CNTN4: variants seen among roughly 807,000 people sequenced by gnomAD.
CNTN4 encodes contactin-4.
CNTN4 carries 77 observed loss-of-function variants against 122.5 expected under a neutral mutation model. That is an observed-to-expected ratio of 0.63 (90% CI 0.52 to 0.76). The LOEUF (loss-of-function observed/expected upper bound fraction) is 0.76, where lower values mean the gene tolerates loss of function less well. CNTN4 is among the 30% of genes least tolerant of loss of function. CNTN4 has a pLI of 0.00. For synonymous variants in CNTN4, 512 were observed against 447.0 expected (o/e 1.15, Z -1.83); for missense variants, 1,256 against 1,259.1 (o/e 1.00, Z 0.04).
chr3:2,792,189 C>CG (rs1157850506), intron 6 of CNTN4, among the ~76,000 whole-genome samples: 2 of 152,142 alleles, frequency 1.3e-5, no homozygotes, highest in African/African-American at 4.8e-5. Flanking sequence ...GACATTCTTT[C>CG]GGGGGGCCCT....
intron 4 of CNTN4, among the ~76,000 whole-genome samples, chr3:2,682,802 GCTATTATT>G (rs2085232711): frequency 6.6e-6 from 1 of 152,076 alleles, no homozygotes; most frequent in Admixed American, 6.6e-5. Context: ...CTGCCTTTTA[GCTATTATT>G]AGTCATCACT....
intron 4 of CNTN4, among the ~76,000 whole-genome samples, chr3:2,652,602 TC>T (rs1360746137): frequency 6.6e-6 from 1 of 152,042 alleles, no homozygotes; most frequent in Non-Finnish European, 1.5e-5. Flanking sequence ...TGCCAATGTT[TC>T]TAGGCACACA....
intron 8 of CNTN4, among the ~76,000 whole-genome samples, chr3:2,867,647 C>T (rs2093738657): frequency 6.6e-6 from 1 of 151,980 alleles, no homozygotes; most frequent in Admixed American, 6.6e-5. Flanking sequence ...CTCTCAGCTT[C>T]TCCCTTGGAT....
intron 7 of CNTN4, among the ~76,000 whole-genome samples, chr3:2,825,672 G>A (rs1165419200): frequency 6.6e-6 from 1 of 152,192 alleles, no homozygotes; most frequent in Non-Finnish European, 1.5e-5. Flanking sequence ...CTGGGCAACA[G>A]AGTGAGATCC....
intron 3 of CNTN4, among the ~76,000 whole-genome samples, chr3:2,427,646 G>T (rs573999427): frequency 6.6e-6 from 1 of 152,008 alleles, no homozygotes; most frequent in Admixed American, 6.6e-5. Context: ...TCTGCCTCAT[G>T]GATCTGTCTA....
intron 2 of CNTN4, among the ~76,000 whole-genome samples, chr3:2,251,310 C>T (rs1153506): frequency 0.99 from 150,248 of 151,970 alleles, 74,305 homozygotes; most frequent in Middle Eastern, 1. Context: ...TATTGTTTAC[C>T]AATAACAGCA....
At chr3:2,716,765 C>CTAG (rs1239557858) in intron 4 of CNTN4, among the ~76,000 whole-genome samples, 1 of 152,172 alleles carries the variant, frequency 6.6e-6, no homozygotes, top group African/African-American at 2.4e-5. Context: ...CCCTTACCAC[C>CTAG]TAGTAGCCCT....
intron 3 of CNTN4, among the ~76,000 whole-genome samples, chr3:2,473,979 A>G (rs1575711936): frequency 6.6e-6 from 1 of 151,370 alleles, no homozygotes; most frequent in Admixed American, 6.6e-5. Context: ...ACGCCACTGC[A>G]CTCCAGCCTG....
intron 4 of CNTN4, among the ~76,000 whole-genome samples, chr3:2,597,583 C>T (rs2080830275): frequency 6.6e-6 from 1 of 152,096 alleles, no homozygotes; most frequent in South Asian, 2.1e-4. Context: ...AGGAAAGGTG[C>T]AGAATTGAGA....
intron 2 of CNTN4, among the ~76,000 whole-genome samples, chr3:2,122,013 GGGCGTGGTGGC>G (rs1171366407): frequency 7.4e-6 from 1 of 134,244 alleles, no homozygotes; most frequent in Non-Finnish European, 1.7e-5. Flanking sequence ...AAAATTAGCC[GGGCGTGGTGGC>G]GGCGCCTGTA....
At chr3:2,441,543 T>C (rs1367960342) in intron 3 of CNTN4, among the ~76,000 whole-genome samples, 1 of 152,144 alleles carries the variant, frequency 6.6e-6, no homozygotes, top group Non-Finnish European at 1.5e-5. Flanking sequence ...TTCTGCAGAG[T>C]AGCAGGTAAT....
chr3:2,900,609 C>A, intron 10 of CNTN4, 76 bp from the exon 11 acceptor site: 1 of 1,508,676 alleles, frequency 6.6e-7, no homozygotes, highest in Non-Finnish European at 9.2e-7. Context: ...TACTTTTGCC[C>A]TTTGATTGAA....
At chr3:2,218,355 C>G (rs1280975291) in intron 2 of CNTN4, among the ~76,000 whole-genome samples, 1 of 151,950 alleles carries the variant, frequency 6.6e-6, no homozygotes, top group Non-Finnish European at 1.5e-5. Context: ...TTACCACTTT[C>G]TTTTAAAGCA....
intron 3 of CNTN4, among the ~76,000 whole-genome samples, chr3:2,512,326 G>C (rs2076910975): frequency 6.6e-6 from 1 of 151,690 alleles, no homozygotes; most frequent in Non-Finnish European, 1.5e-5. Flanking sequence ...TATTGCTTTT[G>C]AATGCACCAC....
At chr3:2,898,633 T>C (rs1258960564) in intron 10 of CNTN4, among the ~76,000 whole-genome samples, 3 of 152,256 alleles carry the variant, frequency 2.0e-5, no homozygotes, top group Non-Finnish European at 2.9e-5. Flanking sequence ...AGGAAATCTA[T>C]GACATTGAAA....
intron 2 of CNTN4, among the ~76,000 whole-genome samples, chr3:2,179,763 A>G (rs955577567): frequency 6.6e-6 from 1 of 151,684 alleles, no homozygotes; most frequent in Admixed American, 6.6e-5. Context: ...TTAAAGAGCA[A>G]CTCTATATAC....
intron 8 of CNTN4, among the ~76,000 whole-genome samples, chr3:2,873,074 T>C (rs1436777096): frequency 6.6e-6 from 1 of 152,176 alleles, no homozygotes; most frequent in Admixed American, 6.6e-5. Context: ...TCACAACTTT[T>C]AGTCATGTCC....
At chr3:2,502,947 G>A (rs563774834) in intron 3 of CNTN4, among the ~76,000 whole-genome samples, 1 of 152,124 alleles carries the variant, frequency 6.6e-6, no homozygotes, top group Admixed American at 6.5e-5. Context: ...ACTGTTGTAT[G>A]TCCTTGTGAA....
chr3:2,116,062 T>C (rs1402297091), intron 2 of CNTN4, among the ~76,000 whole-genome samples: 1 of 152,204 alleles, frequency 6.6e-6, no homozygotes, highest in African/African-American at 2.4e-5. Flanking sequence ...GGCCTGGCAC[T>C]CATCATTGGG....
Sources: gnomAD v4.1 joint callset for allele counts (sites outside exome capture counted in the v4.1 genomes callset) on GRCh38, gnomAD v4.1.1 for gene constraint, MANE v1.5 for transcripts, NCBI Gene and HGNC (gene_info 2026-07-23, HGNC 2026-07-21) for gene names.